The following DNAJC15 variants were observed in gnomAD, a reference collection of about 807,000 sequenced individuals.
DNAJC15 encodes dnaJ homolog subfamily C member 15.
Under a neutral mutation model 22.4 loss-of-function variants are expected in DNAJC15, and 27 were observed. The ratio of observed to expected loss-of-function variants is 1.20; its 90% confidence interval spans 0.89 to 1.66. The LOEUF is 1.66. Ranked by LOEUF, DNAJC15 falls within the 40% of genes most tolerant of loss-of-function variation. The pLI, the probability that DNAJC15 is intolerant of heterozygous loss-of-function variation, is 0.00. For synonymous variants in DNAJC15, 79 were observed against 63.2 expected, an observed-to-expected ratio of 1.25 and a Z score of -1.19; for missense variants, 208 against 187.1, an observed-to-expected ratio of 1.11 and a Z score of -0.65.
intron 4 of DNAJC15, 29 bp from the exon 5 acceptor site, chr13:43,085,739 A>T (rs1360125074): frequency 2.5e-6 from 4 of 1,590,378 alleles, no homozygotes; most frequent in Non-Finnish European, 3.4e-6. Flanking sequence ...GATGCTATTT[A>T]TTATAAGCAC....
At chr13:43,084,381 A>G (rs145158718) in intron 4 of DNAJC15, among the ~76,000 whole-genome samples, 6 of 152,170 alleles carry the variant, frequency 3.9e-5, no homozygotes, top group African/African-American at 1.2e-4. Flanking sequence ...TATTACGTGT[A>G]TGCTACGTAT....
intron 1 of DNAJC15, among the ~76,000 whole-genome samples, chr13:43,049,875 A>G (rs1385271802): frequency 6.6e-6 from 1 of 152,142 alleles, no homozygotes; most frequent in Non-Finnish European, 1.5e-5. Flanking sequence ...CTAGGAAACA[A>G]TTCATATTAT....
chr13:43,033,533 A>C (rs2153439514), intron 1 of DNAJC15, among the ~76,000 whole-genome samples: 1 of 152,292 alleles, frequency 6.6e-6, no homozygotes, highest in Non-Finnish European at 1.5e-5. Flanking sequence ...ACCAGGTACC[A>C]CATTACATTT....
intron 1 of DNAJC15, among the ~76,000 whole-genome samples, chr13:43,042,706 A>C (rs940882739): frequency 6.6e-6 from 1 of 152,158 alleles, no homozygotes; most frequent in African/African-American, 2.4e-5. Context: ...AGATAGGATG[A>C]GATTCTTGAG....
intron 1 of DNAJC15, among the ~76,000 whole-genome samples, chr13:43,057,454 TG>T (rs1242652481): frequency 1.3e-5 from 2 of 152,192 alleles, no homozygotes; most frequent in Non-Finnish European, 2.9e-5. Flanking sequence ...AAGTTGTGAT[TG>T]TTTTTTCTTT....
intron 5 of DNAJC15, among the ~76,000 whole-genome samples, chr13:43,093,752 C>A (rs1157382684): frequency 2.6e-5 from 4 of 152,102 alleles, no homozygotes. Flanking sequence ...CCTATTAATT[C>A]ATTTTAAAAT....
intron 1 of DNAJC15, among the ~76,000 whole-genome samples, chr13:43,040,490 T>C (rs1593311287): frequency 6.6e-6 from 1 of 152,230 alleles, no homozygotes; most frequent in African/African-American, 2.4e-5. Flanking sequence ...TTGTCTGGTC[T>C]AATCTGTGTT....
At chr13:43,073,353 T>C (rs1444888172) in intron 3 of DNAJC15, among the ~76,000 whole-genome samples, 1 of 152,160 alleles carries the variant, frequency 6.6e-6, no homozygotes, top group African/African-American at 2.4e-5. Context: ...TGGCATAGCT[T>C]CTCACCTCCC....
rs192544573 is a variant in DNAJC15, at chr13:43,103,323, A to G, written c.383-3855A>G. Among the ~76,000 whole-genome samples, 122 of 148,010 alleles carry G rather than the reference A, an allele frequency of 8.2e-4. 1 individual carries two copies. The highest frequency in any genetic ancestry group is 2.9e-3 in the African/African-American group (111 of 37,708). Reference sequence around the variant, plus strand: ...GAACTGACAGCTTTTGTAAAATACAATGAAAATGAAATTATGAGAAAATTG... The same window carrying G: ...GAACTGACAGCTTTTGTAAAATACAGTGAAAATGAAATTATGAGAAAATTG... On this transcript the variant is annotated intron_variant, in intron 5 of 5. Coordinates refer to ENST00000379221, the MANE Select transcript of DNAJC15 (RefSeq NM_013238.3).
chr13:43,101,108 C>T (rs1322939199), intron 5 of DNAJC15, among the ~76,000 whole-genome samples: 1 of 152,164 alleles, frequency 6.6e-6, no homozygotes, highest in African/African-American at 2.4e-5. Context: ...TGTCTTTTTC[C>T]ATCCTTTTAC....
In DNAJC15 at chr13:43,068,951, G is replaced by A. The variant is rs1279679056; in HGVS notation, c.182G>A (p.Trp61Ter). The A allele has an allele frequency of 6.2e-7, 1 of 1,612,496 alleles. No homozygotes were observed. Among genetic ancestry groups the A allele is most frequent in the Non-Finnish European group, 8.5e-7 (1 of 1,179,316 alleles). Residue 61 changes from tryptophan (W) to a stop codon, truncating the protein, a stop_gained, in exon 3 of 6, where the codon TGG becomes TAG. Transcript: ENST00000379221. LOFTEE classifies it high-confidence loss of function. Reference sequence around the variant, plus strand: ...TTAGGTCGCTACGCATTTCGGATCTGGAAACCTCTAGAACAAGTTATCACA... The same window carrying A: ...TTAGGTCGCTACGCATTTCGGATCTAGAAACCTCTAGAACAAGTTATCACA... ...AFAGRYAFRI[W>*]KPLEQVITET... is the part of the protein sequence containing the mutation.
At chr13:43,036,208 C>G (rs1208536746) in intron 1 of DNAJC15, among the ~76,000 whole-genome samples, 1 of 146,188 alleles carries the variant, frequency 6.8e-6, no homozygotes, top group Non-Finnish European at 1.5e-5. Context: ...CACTGTCATC[C>G]AGGCTGGAGT....
chr13:43,066,648 C>T (rs763013396), intron 2 of DNAJC15, among the ~76,000 whole-genome samples: 11 of 152,124 alleles, frequency 7.2e-5, no homozygotes, highest in African/African-American at 2.4e-4. Context: ...TTTTTTGAGA[C>T]GGAGTCTTGC....
chr13:43,099,472 A>G (rs1187830522), intron 5 of DNAJC15, among the ~76,000 whole-genome samples: 2 of 152,222 alleles, frequency 1.3e-5, no homozygotes, highest in African/African-American at 2.4e-5. Context: ...ATCTTAGGGA[A>G]AAGCATCCAG....
intron 5 of DNAJC15, 86 bp from the exon 6 acceptor site, chr13:43,107,092 C>T: frequency 9.4e-7 from 1 of 1,063,748 alleles, no homozygotes; most frequent in Non-Finnish European, 1.3e-6. Flanking sequence ...AGACAATATT[C>T]AAAAAAGAGT....
chr13:43,028,733 T>C (rs1019278136), intron 1 of DNAJC15, among the ~76,000 whole-genome samples: 1 of 152,210 alleles, frequency 6.6e-6, no homozygotes, highest in Non-Finnish European at 1.5e-5. Context: ...TAGAGCTTTC[T>C]CTTCTGAAAT....
chr13:43,089,798 G>A (rs752987653), intron 5 of DNAJC15, among the ~76,000 whole-genome samples: 19 of 151,996 alleles, frequency 1.3e-4, no homozygotes, highest in African/African-American at 3.1e-4. Context: ...TTCTTTCATC[G>A]TCAATCTCTA....
intron 1 of DNAJC15, among the ~76,000 whole-genome samples, chr13:43,025,231 A>C (rs1322504160): frequency 6.6e-6 from 1 of 152,236 alleles, no homozygotes; most frequent in Non-Finnish European, 1.5e-5. Flanking sequence ...AGTGTATGAT[A>C]CAGCTGAACA....
At chr13:43,024,671 AAAC>A (rs2040371387) in intron 1 of DNAJC15, among the ~76,000 whole-genome samples, 1 of 151,962 alleles carries the variant, frequency 6.6e-6, no homozygotes, top group Non-Finnish European at 1.5e-5. Context: ...TAGCCATATT[AAAC>A]AACTGAAGAG....
Sources: allele counts gnomAD v4.1 joint callset (sites outside exome capture counted in the v4.1 genomes callset), GRCh38; gene constraint gnomAD v4.1.1; transcripts MANE v1.5; gene names NCBI Gene and HGNC (gene_info 2026-07-23, HGNC 2026-07-21).